Variants in DACH2 observed in about 807,000 individuals in gnomAD.
The protein encoded by DACH2 is dachshund homolog 2.
A neutral mutation model predicts 35.8 loss-of-function variants in DACH2; 17 were observed. The observed-to-expected ratio is 0.48, with a 90% confidence interval of 0.33 to 0.71. The LOEUF is 0.71. Ranked by LOEUF, DACH2 falls within the 30% of genes least tolerant of loss-of-function variation. DACH2 has a pLI of 0.02. For missense variants in DACH2, 469 were observed against 472.7 expected (o/e 0.99, Z 0.07); for synonymous variants, 195 against 177.3 (o/e 1.10, Z -0.79).
intron 5 of DACH2, among the ~76,000 whole-genome samples, chrX:86,703,167 A>G (rs775412549): frequency 2.0e-5 from 2 of 99,801 alleles, no homozygotes; most frequent in African/African-American, 7.5e-5. Flanking sequence ...TAAAACCTAA[A>G]GCATATGATC....
chrX:86,714,138 G>A (rs1029006847), intron 5 of DACH2, among the ~76,000 whole-genome samples: 1 of 111,617 alleles, frequency 9.0e-6, no homozygotes, highest in Admixed American at 9.6e-5. Context: ...TCTATTAAGT[G>A]TCTTAAAGAA....
chrX:86,385,019 C>A (rs2036103504), intron 2 of DACH2, among the ~76,000 whole-genome samples: 1 of 111,429 alleles, frequency 9.0e-6, no homozygotes, highest in African/African-American at 3.2e-5. Context: ...CTTTGGTTTT[C>A]ATTTGAACAT....
chrX:86,748,944 C>G (rs2041742748), intron 7 of DACH2, among the ~76,000 whole-genome samples: 1 of 111,853 alleles, frequency 8.9e-6, no homozygotes, highest in Non-Finnish European at 1.9e-5. Context: ...CATCCACACT[C>G]GCTGCTTCAC....
chrX:86,183,533 T>C (rs1256605809), intron 1 of DACH2, among the ~76,000 whole-genome samples: 1 of 111,711 alleles, frequency 9.0e-6, no homozygotes, highest in African/African-American at 3.3e-5. Flanking sequence ...GCTGACTTGA[T>C]TGTGGTGGAT....
chrX:86,308,020 TGA>T (rs1838476797), intron 1 of DACH2, among the ~76,000 whole-genome samples: 1 of 111,806 alleles, frequency 8.9e-6, no homozygotes, highest in African/African-American at 3.3e-5. Context: ...TGGCCCACTG[TGA>T]GAGAGCTGGA....
At chrX:86,324,723 C>T (rs769300671) in intron 1 of DACH2, among the ~76,000 whole-genome samples, 191 of 347 alleles carry the variant, frequency 0.55, no homozygotes, top group South Asian at 1. Flanking sequence ...GGACTACAGG[C>T]GCCCGCACCT....
chrX:86,659,081 G>T (rs1246960622), intron 4 of DACH2, among the ~76,000 whole-genome samples: 1 of 110,946 alleles, frequency 9.0e-6, no homozygotes, highest in African/African-American at 3.3e-5. Context: ...CTTTCTTTAT[G>T]TTATCCAAAC....
Position 86,457,881 on chromosome X carries a change from A to G in DACH2, c.528-56398A>G, listed in dbSNP as rs1036963418. 2.7e-5 allele frequency among the ~76,000 whole-genome samples: 3 copies of G among 111,962 alleles called. No homozygotes were observed. In the East Asian group the frequency reaches 8.4e-4, roughly 31 times the overall value. On this transcript the variant is annotated intron_variant, in intron 2 of 11. Coordinates refer to ENST00000373125, the MANE Select transcript of DACH2 (RefSeq NM_053281.3). ...CTGACTTTTAAGGCTTAGTCTGGCA[A>G]GGGAATGTTGAAAGTTTTTTACTCA...
At chrX:86,530,767 G>A (rs1020941753) in intron 3 of DACH2, among the ~76,000 whole-genome samples, 1 of 112,173 alleles carries the variant, frequency 8.9e-6, no homozygotes, top group Non-Finnish European at 1.9e-5. Flanking sequence ...AAGGGGAAGA[G>A]GCTGGAAGAA....
In DACH2 at chrX:86,717,348, A is replaced by C. The variant is rs756856797; in HGVS notation, c.1104+2628A>C. ...TATGGTATTTGTCTTTCTGTGCCTGACTTGTTATGCTTAAGATAATGGCCT... is the reference window on the plus strand; with the variant it reads ...TATGGTATTTGTCTTTCTGTGCCTGCCTTGTTATGCTTAAGATAATGGCCT... On this transcript the variant is annotated intron_variant, in intron 6 of 11. Transcript: ENST00000373125. Among the ~76,000 whole-genome samples the C allele has an allele frequency of 3.6e-5, 4 of 110,907 alleles. No individual in the cohort carries two copies. In the South Asian group the frequency reaches 1.5e-3, roughly 42 times the overall value.
chrX:86,654,446 T>A (rs2040518346), intron 4 of DACH2, among the ~76,000 whole-genome samples: 1 of 109,677 alleles, frequency 9.1e-6, no homozygotes, highest in Non-Finnish European at 1.9e-5. Context: ...ACAGTGTAGA[T>A]CACCTCATGT....
intron 2 of DACH2, among the ~76,000 whole-genome samples, chrX:86,391,242 G>C (rs1224612541): frequency 1.1e-5 from 1 of 89,068 alleles, no homozygotes; most frequent in Admixed American, 1.5e-4. Context: ...GATCATGCCA[G>C]TGCACCACTC....
intron 7 of DACH2, among the ~76,000 whole-genome samples, chrX:86,758,207 T>G (rs1266783661): frequency 8.9e-6 from 1 of 111,884 alleles, no homozygotes; most frequent in Non-Finnish European, 1.9e-5. Context: ...AAAAACCAAC[T>G]ATGTGTTTTG....
chrX:86,582,454 T>G (rs756210369), intron 3 of DACH2, among the ~76,000 whole-genome samples: 91 of 110,989 alleles, frequency 8.2e-4, no homozygotes, highest in African/African-American at 2.9e-3. Context: ...ATAAGATTAA[T>G]AGACTGGTAG....
At chrX:86,240,437 GATTATTATTATTATT>G (rs3034441) in intron 1 of DACH2, among the ~76,000 whole-genome samples, 105 of 95,107 alleles carry the variant, frequency 1.1e-3, no homozygotes, top group African/African-American at 3.4e-3. Context: ...GGTTGTATCA[GATTATTATTATTATT>G]ATTATTATTA....
chrX:86,576,287 A>T (rs2039434396), intron 3 of DACH2, among the ~76,000 whole-genome samples: 1 of 111,870 alleles, frequency 8.9e-6, no homozygotes, highest in Admixed American at 9.5e-5. Flanking sequence ...TACAAAGGAG[A>T]TATGTGAATG....
intron 7 of DACH2, among the ~76,000 whole-genome samples, chrX:86,762,163 TA>T (rs988084773): frequency 9.0e-6 from 1 of 110,845 alleles, no homozygotes; most frequent in Non-Finnish European, 1.9e-5. Context: ...AACAAACAAA[TA>T]AAAAAAGATT....
intron 1 of DACH2, among the ~76,000 whole-genome samples, chrX:86,167,335 A>G (rs1024606499): frequency 9.0e-6 from 1 of 110,985 alleles, no homozygotes; most frequent in African/African-American, 3.3e-5. Context: ...TTTCCAATTT[A>G]TTGCCATATA....
intron 1 of DACH2, among the ~76,000 whole-genome samples, chrX:86,268,032 G>A (rs181622733): frequency 8.1e-4 from 91 of 112,001 alleles, no homozygotes; most frequent in African/African-American, 2.8e-3. Flanking sequence ...TGGGAGAACA[G>A]CAGTAGATGA....
Sources: gnomAD v4.1 joint callset for allele counts (sites outside exome capture counted in the v4.1 genomes callset) on GRCh38, gnomAD v4.1.1 for gene constraint, MANE v1.5 for transcripts, NCBI Gene and HGNC (gene_info 2026-07-23, HGNC 2026-07-21) for gene names.